The following ITGBL1 variants were observed in gnomAD, a reference collection of about 807,000 sequenced individuals.
ITGBL1 encodes the protein integrin subunit beta like 1.
In ITGBL1, 51 loss-of-function variants were observed where a neutral mutation model predicts 68.5. The observed-to-expected ratio is 0.74, with a 90% CI of 0.59 to 0.94. The LOEUF (loss-of-function observed/expected upper bound fraction) is 0.94, where lower values mean the gene tolerates loss of function less well. ITGBL1 is among the 40% of genes least tolerant of loss of function. The pLI is 0.00. For synonymous variants in ITGBL1, 209 were observed against 227.3 expected, an observed-to-expected ratio of 0.92 and a Z score of 0.72; for missense variants, 649 against 647.4, an observed-to-expected ratio of 1.00 and a Z score of -0.03.
intron 7 of ITGBL1, among the ~76,000 whole-genome samples, chr13:101,648,791 A>G (rs972492458): frequency 2.6e-5 from 4 of 152,150 alleles, no homozygotes; most frequent in Non-Finnish European, 5.9e-5. Flanking sequence ...TCAAAAATTG[A>G]TCTACAGTAA....
At chr13:101,619,606 T>G (rs1338752333) in intron 7 of ITGBL1, among the ~76,000 whole-genome samples, 1 of 152,154 alleles carries the variant, frequency 6.6e-6, no homozygotes, top group African/African-American at 2.4e-5. Flanking sequence ...AGACAATAAA[T>G]GTGTATTGTT....
intron 7 of ITGBL1, among the ~76,000 whole-genome samples, chr13:101,644,166 C>T (rs2032481243): frequency 6.6e-6 from 1 of 152,172 alleles, no homozygotes; most frequent in African/African-American, 2.4e-5. Context: ...TACCCTCATA[C>T]TTGTCGAGTA....
intron 7 of ITGBL1, among the ~76,000 whole-genome samples, chr13:101,638,793 G>C (rs993400826): frequency 2.0e-5 from 3 of 152,050 alleles, no homozygotes; most frequent in African/African-American, 4.8e-5. Flanking sequence ...ATTTGGGTGG[G>C]AACACAGCCA....
At chr13:101,683,145 A>G (rs2033680741) in intron 7 of ITGBL1, among the ~76,000 whole-genome samples, 1 of 152,080 alleles carries the variant, frequency 6.6e-6, no homozygotes. Flanking sequence ...AAATAGAAGA[A>G]TGCCAGAATC....
intron 6 of ITGBL1, among the ~76,000 whole-genome samples, chr13:101,597,419 C>CAAAAAA (rs35737952): frequency 7.9e-6 from 1 of 127,244 alleles, no homozygotes; most frequent in Non-Finnish European, 1.7e-5. Flanking sequence ...GTCTAAAAAG[C>CAAAAAA]AAAAAAAAAA....
intron 2 of ITGBL1, among the ~76,000 whole-genome samples, chr13:101,487,667 C>A (rs556108058): frequency 1.2e-4 from 18 of 152,242 alleles, no homozygotes; most frequent in Admixed American, 9.8e-4. Context: ...GAAGTGCATT[C>A]CGTAGATGTG....
intron 8 of ITGBL1, among the ~76,000 whole-genome samples, chr13:101,698,708 A>G (rs2034060890): frequency 6.6e-6 from 1 of 152,220 alleles, no homozygotes; most frequent in Non-Finnish European, 1.5e-5. Context: ...ATAGTTCGTA[A>G]GATTTATTTA....
chr13:101,551,094 G>A (rs1330693032), intron 2 of ITGBL1, among the ~76,000 whole-genome samples: 1 of 152,262 alleles, frequency 6.6e-6, no homozygotes, highest in Non-Finnish European at 1.5e-5. Context: ...GGAGAGGGGT[G>A]AGGATACAGA....
intron 2 of ITGBL1, among the ~76,000 whole-genome samples, chr13:101,549,324 C>A (rs559495592): frequency 8.6e-5 from 13 of 151,848 alleles, no homozygotes; most frequent in African/African-American, 2.7e-4. Flanking sequence ...TGCATAAAAT[C>A]AAACTTTCAA....
rs1379174716 is a variant in ITGBL1, at chr13:101,579,380, G to A, written c.680G>A (p.Ser227Asn). Residue 227 changes from serine to asparagine, a missense_variant, in exon 5 of 11, where the codon AGC becomes AAC. Physicochemically the swap from Ser to Asn is conservative, Grantham distance 46. Transcript: ENST00000376180. ...EFQCDITPWE[S>N]KRRCTSPDGK... is the part of the protein sequence containing the mutation. Reference sequence around the variant, plus strand: ...CAGTGCGATATCACCCCCTGGGAAAGCAAGCGAAGATGCACGTCTCCAGAT... The same window carrying A: ...CAGTGCGATATCACCCCCTGGGAAAACAAGCGAAGATGCACGTCTCCAGAT... 4 of 1,613,928 alleles carry A rather than the reference G, an allele frequency of 2.5e-6. No homozygotes were observed. The highest frequency in any genetic ancestry group is 2.2e-5 in the South Asian group (2 of 91,078).
chr13:101,472,628 C>T (rs898622530), intron 2 of ITGBL1, among the ~76,000 whole-genome samples: 3 of 152,042 alleles, frequency 2.0e-5, no homozygotes, highest in Non-Finnish European at 4.4e-5. Flanking sequence ...ATGGTGTTAG[C>T]TCTCACACAG....
chr13:101,624,985 A>G (rs1436144504), intron 7 of ITGBL1, among the ~76,000 whole-genome samples: 1 of 152,228 alleles, frequency 6.6e-6, no homozygotes, highest in East Asian at 1.9e-4. Flanking sequence ...TTATTCAGAG[A>G]TAATGCTTCT....
chr13:101,678,605 T>G (rs915594561), intron 7 of ITGBL1, among the ~76,000 whole-genome samples: 3 of 151,718 alleles, frequency 2.0e-5, no homozygotes, highest in Non-Finnish European at 4.4e-5. Context: ...GTTCATGCAG[T>G]TCTCCTGCCT....
chr13:101,453,790 C>T (rs148066503), intron 1 of ITGBL1, 93 bp from the exon 2 acceptor site: 8,674 of 798,584 alleles, frequency 0.011, 51 homozygotes, highest in Middle Eastern at 0.013. Context: ...TACGTCTGCA[C>T]CTGGAGGGGA....
chr13:101,483,205 G>GT (rs71121198), intron 2 of ITGBL1, among the ~76,000 whole-genome samples: 66,893 of 151,946 alleles, frequency 0.44, 16,283 homozygotes, highest in Non-Finnish European at 0.55. Context: ...TATCTCACCT[G>GT]GAATCCTCTT....
intron 7 of ITGBL1, among the ~76,000 whole-genome samples, chr13:101,634,436 A>G (rs1159250490): frequency 6.6e-6 from 1 of 152,142 alleles, no homozygotes; most frequent in African/African-American, 2.4e-5. Flanking sequence ...AGGCCTTGAT[A>G]TCCAAGTTTT....
At chr13:101,663,908 AAGAG>A (rs1249874264) in intron 7 of ITGBL1, among the ~76,000 whole-genome samples, 1 of 152,156 alleles carries the variant, frequency 6.6e-6, no homozygotes, top group Non-Finnish European at 1.5e-5. Context: ...GCCTAAGGGA[AAGAG>A]AGAGAGGAAG....
chr13:101,656,684 A>C (rs554765100), intron 7 of ITGBL1, among the ~76,000 whole-genome samples: 24 of 152,324 alleles, frequency 1.6e-4, no homozygotes, highest in Admixed American at 1.6e-3. Flanking sequence ...TCATATTGTA[A>C]TTTGTTTGTA....
chr13:101,588,348 G>A (rs2050594888), intron 6 of ITGBL1, among the ~76,000 whole-genome samples: 1 of 151,206 alleles, frequency 6.6e-6, no homozygotes, highest in African/African-American at 2.5e-5. Context: ...GATCTTTAGA[G>A]AGCATTTCTC....
Sources: allele counts gnomAD v4.1 joint callset (sites outside exome capture counted in the v4.1 genomes callset), GRCh38; gene constraint gnomAD v4.1.1; transcripts MANE v1.5; gene names NCBI Gene and HGNC (gene_info 2026-07-23, HGNC 2026-07-21).